Variants in EIF4ENIF1 observed in about 807,000 individuals in gnomAD.
The protein encoded by EIF4ENIF1 is eukaryotic translation initiation factor 4E transporter.
In EIF4ENIF1, 23 loss-of-function variants were observed where a neutral mutation model predicts 110.5. That is an observed-to-expected ratio of 0.21 (90% CI 0.15 to 0.29). EIF4ENIF1 has a LOEUF of 0.29. EIF4ENIF1 is among the 10% of genes least tolerant of loss of function. EIF4ENIF1 has a pLI of 1.00. For missense variants in EIF4ENIF1, 1,031 were observed against 1,221.1 expected (o/e 0.84, Z 2.32); for synonymous variants, 440 against 437.0 (o/e 1.01, Z -0.09).
chr22:31,476,186 C>T (rs1690421260), intron 2 of EIF4ENIF1, among the ~76,000 whole-genome samples: 1 of 152,182 alleles, frequency 6.6e-6, no homozygotes, highest in Non-Finnish European at 1.5e-5. Flanking sequence ...CTACCCCATG[C>T]AGATACTAAG....
At chr22:31,452,142 T>TATGC (rs2050693580) in intron 10 of EIF4ENIF1, among the ~76,000 whole-genome samples, 1 of 152,222 alleles carries the variant, frequency 6.6e-6, no homozygotes, top group South Asian at 2.1e-4. Context: ...TGAACCAGCA[T>TATGC]GTATTATTTT....
rs373430176 is a variant in EIF4ENIF1, at chr22:31,440,169, T to G, written c.2717-48A>C. 3.9e-5 allele frequency: 63 copies of G among 1,613,392 alleles called. No individual in the cohort carries two copies. The African/African-American group carries it at 7.6e-4, about 19-fold the overall frequency. ...CATTCACAGCATGAGAAGGAAAGTT[T>G]ATTAGACCCTGCTTCATTCAAACCC... On this transcript the variant is annotated intron_variant, in intron 18 of 18. Coordinates refer to ENST00000330125, the MANE Select transcript of EIF4ENIF1 (RefSeq NM_019843.4).
In EIF4ENIF1 at chr22:31,441,589, G is replaced by A. The variant is rs1006118881; in HGVS notation, c.2551+185C>T. Among the ~76,000 whole-genome samples, 101 of 148,672 alleles carry A rather than the reference G, an allele frequency of 6.8e-4. 1 individual carries two copies. The highest frequency in any genetic ancestry group is 1.9e-4 in the Non-Finnish European group (13 of 67,872). On this transcript the variant is annotated intron_variant, in intron 17 of 18. Coordinates refer to ENST00000330125, the MANE Select transcript of EIF4ENIF1 (RefSeq NM_019843.4). ...AAAAAAAAAAGAATCTTCAAGCTAG[G>A]TTCCTAATCTTTTAAAGGACTAGGG...
chr22:31,446,995 TAAGAACATTGA>T (rs1169004769), intron 14 of EIF4ENIF1: 1 of 469,014 alleles, frequency 2.1e-6, no homozygotes, highest in Non-Finnish European at 4.4e-6. Flanking sequence ...GGGAGTTTGA[TAAGAACATTGA>T]ATCTGTGGGG....
rs1218346869 is a variant in EIF4ENIF1 at position 31,443,062 on chromosome 22, A to G, written c.2106T>C (p.Ile702=). The change falls in exon 16 of 19, where the codon ATT becomes ATC. Residue 702 remains isoleucine (I), a synonymous_variant. Transcript: ENST00000330125. ...LSPSFTPTSV[I]RKMYESKEKS... is the part of the protein sequence containing the mutation. ...TCTCTTTGCTCTCGTACATCTTACG[A>G]ATCACTGAGGTAGGGGTAAAGGAAG... 1 of 1,614,188 alleles carries G rather than the reference A, an allele frequency of 6.2e-7. No individual in the cohort carries two copies. Among genetic ancestry groups the G allele is most frequent in the South Asian group, 1.1e-5 (1 of 91,082 alleles).
chr22:31,464,074 G>C (rs1403999155), intron 4 of EIF4ENIF1, 107 bp from the exon 5 acceptor site: 16 of 1,415,986 alleles, frequency 1.1e-5, no homozygotes, highest in South Asian at 7.3e-5. Context: ...GGTTGGAAGA[G>C]AGTCACCACT....
intron 15 of EIF4ENIF1, among the ~76,000 whole-genome samples, chr22:31,443,759 TTCTC>T (rs1326999017): frequency 1.3e-5 from 2 of 151,964 alleles, no homozygotes; most frequent in Admixed American, 6.6e-5. Context: ...TTTTTCCTTC[TTCTC>T]TATCGGCTTT....
At chr22:31,437,185 C>T (rs1002019741), downstream of EIF4ENIF1, 11 of 152,226 alleles carry the variant, frequency 7.2e-5, no homozygotes, top group Admixed American at 2.6e-4. Flanking sequence ...CTATTCTTTC[C>T]TCTCCTACCT....
chr22:31,492,223 G>GC (rs1377877476), upstream of EIF4ENIF1, among the ~76,000 whole-genome samples: 5 of 152,144 alleles, frequency 3.3e-5, no homozygotes, highest in African/African-American at 1.2e-4. Context: ...TTGCTGTATT[G>GC]CCTTTCCTAA....
chr22:31,446,667 C>G (rs2145913375), intron 14 of EIF4ENIF1, among the ~76,000 whole-genome samples: 1 of 152,190 alleles, frequency 6.6e-6, no homozygotes, highest in Non-Finnish European at 1.5e-5. Flanking sequence ...AAAGGCTGGA[C>G]AGTGGAGAGT....
At chr22:31,477,119 A>G (rs1379247486) in intron 2 of EIF4ENIF1, among the ~76,000 whole-genome samples, 1 of 139,620 alleles carries the variant, frequency 7.2e-6, no homozygotes, top group African/African-American at 2.5e-5. Flanking sequence ...AACCTGTCTC[A>G]AAAAAAAAAG....
chr22:31,479,720 G>A lies in EIF4ENIF1; in HGVS notation c.97-7803C>T, dbSNP rs550975285. The stretch of plus-strand genomic sequence containing the variant: ...TTTTTTTTTTTTAATCTATCCTTTT[G>A]GAGTTTTTTTTTTGAGACAGGTTCT... On this transcript the variant is annotated intron_variant, in intron 2 of 18. Coordinates refer to ENST00000330125, the MANE Select transcript of EIF4ENIF1 (RefSeq NM_019843.4). Among the ~76,000 whole-genome samples the A allele has an allele frequency of 7.1e-5, 10 of 141,448 alleles. No individual in the cohort carries two copies. In the South Asian group the frequency reaches 1.6e-3, roughly 23 times the overall value. 92.8% of individuals were successfully genotyped at this position (141,448 alleles called of 152,430 possible).
upstream of EIF4ENIF1, among the ~76,000 whole-genome samples, chr22:31,491,008 T>C (rs142763478): frequency 1.4e-3 from 220 of 152,326 alleles, 1 homozygote; most frequent in African/African-American, 5.1e-3. Flanking sequence ...CTGAATAAAG[T>C]GTGTTTCTTA....
chr22:31,457,254 CA>C (rs2050858778), intron 7 of EIF4ENIF1, among the ~76,000 whole-genome samples: 1 of 152,092 alleles, frequency 6.6e-6, no homozygotes, highest in Non-Finnish European at 1.5e-5. Context: ...TTAATAAGGA[CA>C]ATTAAATAAC....
intron 13 of EIF4ENIF1, 86 bp from the exon 14 acceptor site, chr22:31,447,651 T>G: frequency 1.4e-6 from 2 of 1,449,132 alleles, no homozygotes; most frequent in Non-Finnish European, 1.8e-6. Context: ...TAGAAAGGTA[T>G]GTTAAGCAGA....
chr22:31,458,428 C>T (rs571889597), intron 7 of EIF4ENIF1, 47 bp downstream of exon 7: 9 of 1,370,514 alleles, frequency 6.6e-6, no homozygotes, highest in Non-Finnish European at 7.6e-6. Flanking sequence ...CTTAAATACT[C>T]AGGTCAAATT....
chr22:31,440,810 C>A lies in EIF4ENIF1; in HGVS notation c.2610G>T (p.Leu870=), dbSNP rs1244789202. The A allele has an allele frequency of 1.2e-6, 2 of 1,613,832 alleles. No individual in the cohort carries two copies. Among genetic ancestry groups the A allele is most frequent in the African/African-American group, 2.7e-5 (2 of 74,912 alleles). ...CAGGTAAAGGGTAAAAGGGCTGACC[C>A]AGGATGGGGCCAGATATTCCCTGTA... The part of the protein sequence containing the change: ...SHLQGISGPI[L]GQPFYPLPAA... Residue 870 remains leucine (L), a synonymous_variant, in exon 18 of 19, where the codon CTG becomes CTT. Coordinates refer to ENST00000330125, the MANE Select transcript of EIF4ENIF1 (RefSeq NM_019843.4).
chr22:31,474,661 A>G (rs1384368748), intron 2 of EIF4ENIF1, among the ~76,000 whole-genome samples: 2 of 152,120 alleles, frequency 1.3e-5, no homozygotes, highest in African/African-American at 2.4e-5. Flanking sequence ...AGGCCCTTTC[A>G]GTAGAGTTAG....
Position 31,442,385 on chromosome 22 carries a change from G to C in EIF4ENIF1, c.2207-267C>G, listed in dbSNP as rs372112045. 1.3e-5 allele frequency among the ~76,000 whole-genome samples: 2 copies of C among 152,242 alleles called. 1 individual carries two copies. The stretch of plus-strand genomic sequence containing the variant: ...AAAATCTAAATGGCAATTAGAGTCT[G>C]GTCAAAGAACCCAAACTGTCTTAAT... On this transcript the variant is annotated intron_variant, in intron 16 of 18. Transcript: ENST00000330125.
Sources: allele counts gnomAD v4.1 joint callset (sites outside exome capture counted in the v4.1 genomes callset), GRCh38; gene constraint gnomAD v4.1.1; transcripts MANE v1.5; gene names NCBI Gene and HGNC (gene_info 2026-07-23, HGNC 2026-07-21).